Variants in LARP1B observed in about 807,000 individuals in gnomAD.
LARP1B encodes La ribonucleoprotein 1B.
A neutral mutation model predicts 114.2 loss-of-function variants in LARP1B; 76 were observed. The observed-to-expected ratio is 0.67, with a 90% confidence interval of 0.55 to 0.81. The LOEUF is 0.81. Ranked by LOEUF, LARP1B falls within the 30% of genes least tolerant of loss-of-function variation. The pLI is 0.00. For missense variants in LARP1B, 1,014 were observed against 1,075.8 expected (o/e 0.94, Z 0.80); for synonymous variants, 345 against 348.0 (o/e 0.99, Z 0.10).
intron 4 of LARP1B, among the ~76,000 whole-genome samples, chr4:128,081,916 AG>A (rs1770637989): frequency 6.6e-6 from 1 of 152,078 alleles, no homozygotes. Flanking sequence ...TGTGTTTTTT[AG>A]TAGAGACAGG....
chr4:128,086,621 G>A (rs747154356), intron 5 of LARP1B, among the ~76,000 whole-genome samples: 2 of 151,858 alleles, frequency 1.3e-5, no homozygotes, highest in Non-Finnish European at 2.9e-5. Context: ...GAGAGCCACT[G>A]TACCTGGCCT....
At position 128,081,797 on chromosome 4, in the gene LARP1B, C is replaced by T. The variant is rs112637143; in HGVS notation, c.218-368C>T. ...TCACCCAGGCTGGAGTGCAATGGCA[C>T]GATCTCGGCTCACTGCAAGCTCCGC... On this transcript the variant is annotated intron_variant, in intron 4 of 19. Coordinates refer to ENST00000326639, the MANE Select transcript of LARP1B (RefSeq NM_018078.4). 8.7e-4 allele frequency among the ~76,000 whole-genome samples: 133 copies of T among 152,346 alleles called. 1 individual carries two copies. The highest frequency in any genetic ancestry group is 3.4e-3 in the Middle Eastern group (1 of 294).
intron 11 of LARP1B, among the ~76,000 whole-genome samples, chr4:128,143,071 G>A (rs1728759490): frequency 6.6e-6 from 1 of 151,970 alleles, no homozygotes; most frequent in Non-Finnish European, 1.5e-5. Context: ...CTGATCATGA[G>A]GTCAAGAGAT....
chr4:128,177,893 A>G (rs1746888559), intron 13 of LARP1B, among the ~76,000 whole-genome samples: 1 of 152,126 alleles, frequency 6.6e-6, no homozygotes, highest in Admixed American at 6.6e-5. Context: ...TGTTGATTAA[A>G]CAAAAAACTT....
At chr4:128,096,878 G>A (rs1332985336) in intron 7 of LARP1B, among the ~76,000 whole-genome samples, 1 of 152,012 alleles carries the variant, frequency 6.6e-6, no homozygotes, top group East Asian at 1.9e-4. Context: ...GGGATTACAG[G>A]CGTGAGCCAC....
upstream of LARP1B, among the ~76,000 whole-genome samples, chr4:128,061,090 G>C (rs1759954163): frequency 6.6e-6 from 1 of 152,012 alleles, no homozygotes; most frequent in Admixed American, 6.5e-5. Flanking sequence ...GCCTCAGCCA[G>C]TGAGCCGGGA....
At chr4:128,109,693 T>C (rs945393934) in intron 9 of LARP1B, among the ~76,000 whole-genome samples, 3 of 152,036 alleles carry the variant, frequency 2.0e-5, no homozygotes, top group African/African-American at 7.2e-5. Flanking sequence ...CACTGTAATG[T>C]AGTGTTTTTC....
chr4:128,160,147 A>G (rs1231935384), intron 11 of LARP1B, among the ~76,000 whole-genome samples: 5 of 152,244 alleles, frequency 3.3e-5, no homozygotes, highest in Non-Finnish European at 7.3e-5. Context: ...ATATGTAAAC[A>G]AATGAGTGTG....
At chr4:128,105,901 A>G (rs2149784978) in intron 8 of LARP1B, among the ~76,000 whole-genome samples, 1 of 152,274 alleles carries the variant, frequency 6.6e-6, no homozygotes, top group Admixed American at 6.5e-5. Context: ...AAAAAATAAA[A>G]ATAATAATAA....
intron 11 of LARP1B, among the ~76,000 whole-genome samples, chr4:128,137,758 C>A: frequency 6.9e-6 from 1 of 144,116 alleles, no homozygotes; most frequent in African/African-American, 2.6e-5. Context: ...TATACAGAAA[C>A]GTGTGTGTAT....
chr4:128,066,960 C>T lies in LARP1B; in HGVS notation c.-78+5559C>T, dbSNP rs149278816. On this transcript the variant is annotated intron_variant, in intron 1 of 19. Coordinates refer to ENST00000326639, the MANE Select transcript of LARP1B (RefSeq NM_018078.4). ...CTACAGGCGCGCGCAACCATGGTTG[C>T]CCGGCTAATTATTTTTTTTTAATTT... 9.5e-3 allele frequency among the ~76,000 whole-genome samples: 1,431 copies of T among 151,144 alleles called. 23 individuals are homozygous for T. The highest frequency in any genetic ancestry group is 0.033 in the African/African-American group (1,346 of 41,150).
intron 10 of LARP1B, among the ~76,000 whole-genome samples, chr4:128,119,888 C>A (rs1787318986): frequency 6.6e-6 from 1 of 152,148 alleles, no homozygotes; most frequent in East Asian, 1.9e-4. Flanking sequence ...AAACTTAAGT[C>A]ATCTTCAACC....
intron 9 of LARP1B, among the ~76,000 whole-genome samples, chr4:128,112,347 C>T (rs1449963345): frequency 2.0e-5 from 3 of 150,102 alleles, no homozygotes; most frequent in Non-Finnish European, 3.0e-5. Context: ...TTTTTTTTAG[C>T]GGGGTTGGGA....
Position 128,211,914 on chromosome 4 carries a change from C to A in LARP1B, c.*1861C>A. 3.4e-6 allele frequency: 1 copy of A among 294,588 alleles called. No homozygotes were observed. Among genetic ancestry groups the A allele is most frequent in the Non-Finnish European group, 5.0e-6 (1 of 198,688 alleles). 18.2% of individuals were successfully genotyped at this position (294,588 alleles called of 1,614,324 possible). ...TCATATTTTTATTATAAAAGTAATA[C>A]ATGTACATTGGGAAATTTAGAAAAG... On this transcript the variant is annotated 3_prime_UTR_variant, in exon 20 of 20. Coordinates refer to ENST00000326639, the MANE Select transcript of LARP1B (RefSeq NM_018078.4).
At chr4:128,202,146 C>T (rs1756164248) in intron 17 of LARP1B, among the ~76,000 whole-genome samples, 2 of 152,014 alleles carry the variant, frequency 1.3e-5, no homozygotes, top group Admixed American at 1.3e-4. Flanking sequence ...CTAATCAATC[C>T]CAGTTATGTT....
chr4:128,209,189 C>G (rs1007107799), intron 19 of LARP1B, among the ~76,000 whole-genome samples: 1 of 152,094 alleles, frequency 6.6e-6, no homozygotes, highest in Non-Finnish European at 1.5e-5. Flanking sequence ...GAGGCCGAGG[C>G]GGGTGGATCG....
At chr4:128,134,747 A>G (rs1381138189) in intron 11 of LARP1B, among the ~76,000 whole-genome samples, 1 of 152,256 alleles carries the variant, frequency 6.6e-6, no homozygotes, top group African/African-American at 2.4e-5. Context: ...TCAACAAAAA[A>G]TATAACCTGA....
chr4:128,079,538 T>G (rs1044574559), intron 4 of LARP1B, among the ~76,000 whole-genome samples: 3 of 151,864 alleles, frequency 2.0e-5, no homozygotes, highest in African/African-American at 7.3e-5. Flanking sequence ...TCTTCCTGTT[T>G]CTTTTTTTTT....
chr4:128,097,531 T>G (rs957686536), intron 7 of LARP1B, among the ~76,000 whole-genome samples: 1 of 152,034 alleles, frequency 6.6e-6, no homozygotes, highest in Non-Finnish European at 1.5e-5. Context: ...GATCTTGAAC[T>G]GCCGACCTCA....
Sources: allele counts gnomAD v4.1 joint callset (sites outside exome capture counted in the v4.1 genomes callset), GRCh38; gene constraint gnomAD v4.1.1; transcripts MANE v1.5; gene names NCBI Gene and HGNC (gene_info 2026-07-23, HGNC 2026-07-21).